The following PPP1R42 variants were observed in gnomAD, a reference collection of about 807,000 sequenced individuals.
PPP1R42 encodes protein phosphatase 1 regulatory subunit 42, also known as leucine rich repeat containing 67.
A neutral mutation model predicts 31.0 loss-of-function variants in PPP1R42; 34 were observed. The observed-to-expected ratio is 1.10, with a 90% CI of 0.83 to 1.46. The LOEUF (loss-of-function observed/expected upper bound fraction) is 1.46. Among genes scored for constraint, PPP1R42 ranks in the 40% most tolerant of loss-of-function variants. The pLI is 0.00. For synonymous variants in PPP1R42, 103 were observed against 109.8 expected (o/e 0.94, Z 0.39); for missense variants, 268 against 303.0 (o/e 0.88, Z 0.86).
intron 6 of PPP1R42, chr8:66,984,303 G>T: frequency 7.5e-7 from 1 of 1,330,452 alleles, no homozygotes; most frequent in Non-Finnish European, 1.1e-6. Flanking sequence ...CACATTTGTT[G>T]GTTTTCTTCA....
intron 1 of PPP1R42, among the ~76,000 whole-genome samples, chr8:67,020,556 C>T (rs2129537140): frequency 6.6e-6 from 1 of 152,290 alleles, no homozygotes; most frequent in Non-Finnish European, 1.5e-5. Flanking sequence ...TCATCACTTA[C>T]TAGTTAGGCA....
chr8:66,985,277 T>C (rs1388551216), intron 6 of PPP1R42: 1 of 955,300 alleles, frequency 1.0e-6, no homozygotes, highest in East Asian at 2.4e-5. Flanking sequence ...GAAGCGACAG[T>C]GGAGACTCGG....
Position 66,967,749 on chromosome 8 carries a change from G to A in PPP1R42, c.803-3415C>T, listed in dbSNP as rs117070710. ...TCCCAGTGATTTGTATTCCTTAAAG[G>A]TATCTGAAATTAAGGGCATTTTTAC... On this transcript the variant is annotated intron_variant, in intron 7 of 7. Coordinates refer to ENST00000685739, the MANE Select transcript of PPP1R42 (RefSeq NM_001364910.1). Among the ~76,000 whole-genome samples, 133 of 152,204 alleles carry A rather than the reference G, an allele frequency of 8.7e-4. No individual in the cohort carries two copies. In the East Asian group the frequency reaches 9.8e-3, roughly 11 times the overall value.
intron 1 of PPP1R42, among the ~76,000 whole-genome samples, chr8:67,024,175 T>A (rs1183674100): frequency 6.6e-6 from 1 of 152,122 alleles, no homozygotes. Flanking sequence ...ATAGCCATAC[T>A]CAGATTAAGA....
intron 5 of PPP1R42, among the ~76,000 whole-genome samples, chr8:67,006,722 C>T (rs1043374374): frequency 2.0e-5 from 3 of 146,556 alleles, no homozygotes; most frequent in Non-Finnish European, 3.0e-5. Context: ...GTAAAGTAAA[C>T]GCCTTGAGGG....
intron 7 of PPP1R42, among the ~76,000 whole-genome samples, chr8:66,976,779 A>G (rs916361110): frequency 2.0e-5 from 3 of 152,206 alleles, no homozygotes; most frequent in South Asian, 2.1e-4. Context: ...TTGTGTATAT[A>G]TACCACATTT....
intron 7 of PPP1R42, chr8:66,970,728 A>T (rs181539984): frequency 2.1e-6 from 1 of 478,406 alleles, no homozygotes; most frequent in Non-Finnish European, 4.1e-6. Flanking sequence ...GGAGTCTCCT[A>T]CCTTACCTCA....
intron 1 of PPP1R42, among the ~76,000 whole-genome samples, chr8:67,021,496 TATG>T (rs1427066811): frequency 6.6e-6 from 1 of 152,160 alleles, no homozygotes; most frequent in African/African-American, 2.4e-5. Flanking sequence ...ACATTTCAAA[TATG>T]ATACTATATT....
chr8:66,988,579 G>T, intron 5 of PPP1R42, 62 bp from the exon 6 acceptor site: 3 of 1,413,492 alleles, frequency 2.1e-6, no homozygotes, highest in Non-Finnish European at 2.9e-6. Flanking sequence ...CTTCTAGCAT[G>T]TCAGTTATTG....
intron 7 of PPP1R42, among the ~76,000 whole-genome samples, chr8:66,980,536 C>T (rs781553922): frequency 6.6e-6 from 1 of 152,044 alleles, no homozygotes; most frequent in African/African-American, 2.4e-5. Context: ...GCCCGTAGTT[C>T]GTATTCAGTG....
intron 2 of PPP1R42, among the ~76,000 whole-genome samples, chr8:67,015,522 T>G (rs1278619834): frequency 6.6e-6 from 1 of 152,020 alleles, no homozygotes; most frequent in Non-Finnish European, 1.5e-5. Flanking sequence ...TACCTAAATA[T>G]TAAAAGTGAT....
At position 66,964,103 on chromosome 8, in the gene PPP1R42, TTAA is replaced by T; in HGVS notation, c.*215_*217del. 1 of 375,792 alleles carries T rather than the reference TTAA, an allele frequency of 2.7e-6. No individual in the cohort carries two copies. Among genetic ancestry groups the T allele is most frequent in the East Asian group, 7.9e-5 (1 of 12,658 alleles). 23.3% of individuals were successfully genotyped at this position (375,792 alleles called of 1,614,324 possible). On this transcript the variant is annotated 3_prime_UTR_variant, in exon 8 of 8. Coordinates refer to ENST00000685739, the MANE Select transcript of PPP1R42 (RefSeq NM_001364910.1). ...ATAAAGCAGCAAATCAAACAATAAC[TTAA>T]AAGTTTTTCCTTATATTATGAGATA...
At chr8:67,014,735 G>A (rs889417339) in intron 2 of PPP1R42, 143 bp from the exon 3 acceptor site, 6 of 526,636 alleles carry the variant, frequency 1.1e-5, no homozygotes, top group African/African-American at 8.0e-5. Flanking sequence ...TCTTGGCACA[G>A]TTAAAACAAG....
chr8:66,972,996 C>A (rs1186588577), intron 7 of PPP1R42, among the ~76,000 whole-genome samples: 1 of 152,206 alleles, frequency 6.6e-6, no homozygotes, highest in Non-Finnish European at 1.5e-5. Flanking sequence ...ACTTTCTCAT[C>A]TGCAAAATGC....
chr8:67,002,919 C>A (rs574689260), intron 5 of PPP1R42, among the ~76,000 whole-genome samples: 218 of 150,170 alleles, frequency 1.5e-3, no homozygotes, highest in African/African-American at 3.8e-3. Flanking sequence ...TTTGGGAGGC[C>A]GAGGCGGTTT....
intron 7 of PPP1R42, among the ~76,000 whole-genome samples, chr8:66,971,979 G>A (rs1406746074): frequency 6.6e-6 from 1 of 152,160 alleles, no homozygotes; most frequent in African/African-American, 2.4e-5. Context: ...GTTGCACAGA[G>A]GTGCCTTTAA....
chr8:66,971,377 A>G (rs1402720714), intron 7 of PPP1R42, among the ~76,000 whole-genome samples: 1 of 152,254 alleles, frequency 6.6e-6, no homozygotes, highest in Non-Finnish European at 1.5e-5. Flanking sequence ...CAACATTAAT[A>G]TAAACATTAA....
intron 7 of PPP1R42, among the ~76,000 whole-genome samples, chr8:66,976,882 C>T (rs1011778366): frequency 2.0e-5 from 3 of 152,006 alleles, no homozygotes; most frequent in African/African-American, 7.2e-5. Flanking sequence ...GTGGATGTCT[C>T]CTTGATACAC....
intron 6 of PPP1R42, chr8:66,983,999 T>TA: frequency 1.2e-6 from 1 of 867,324 alleles, no homozygotes; most frequent in Admixed American, 1.9e-5. Context: ...GGGAGCAAGA[T>TA]ATTCTCCCTT....
Sources: gnomAD v4.1 joint callset for allele counts (sites outside exome capture counted in the v4.1 genomes callset) on GRCh38, gnomAD v4.1.1 for gene constraint, MANE v1.5 for transcripts, NCBI Gene and HGNC (gene_info 2026-07-23, HGNC 2026-07-21) for gene names.